Variants in SLIT2 observed in about 807,000 individuals in gnomAD.
SLIT2 encodes slit homolog 2 protein.
A neutral mutation model predicts 185.7 loss-of-function variants in SLIT2; 41 were observed. The observed-to-expected ratio is 0.22, with a 90% CI of 0.17 to 0.29. SLIT2 has a LOEUF of 0.29. Among genes scored for constraint, SLIT2 ranks in the 10% least tolerant of loss-of-function variants. SLIT2 has a pLI of 1.00. For synonymous variants in SLIT2, 693 were observed against 680.2 expected (o/e 1.02, Z -0.29); for missense variants, 1,571 against 1,909.0 (o/e 0.82, Z 3.30).
Position 20,619,116 on chromosome 4 carries a change from A to G in SLIT2, c.*107A>G. 1 of 1,147,926 alleles carries G rather than the reference A, an allele frequency of 8.7e-7. No homozygotes were observed. The highest frequency in any genetic ancestry group is 2.0e-5 in the South Asian group (1 of 50,730). 71.1% of individuals were successfully genotyped at this position (1,147,926 alleles called of 1,614,324 possible). On this transcript the variant is annotated 3_prime_UTR_variant, in exon 37 of 37. Coordinates refer to ENST00000504154, the MANE Select transcript of SLIT2 (RefSeq NM_004787.4). Reference sequence around the variant, plus strand: ...ATATTTGAAATATATTGTAAAATACAGAACAGACTTATTTTTATTATGAGA... The same window carrying G: ...ATATTTGAAATATATTGTAAAATACGGAACAGACTTATTTTTATTATGAGA...
At chr4:20,469,751 C>CTTTTTTTTTTTTTT (rs33912349) in intron 5 of SLIT2, among the ~76,000 whole-genome samples, 2 of 90,762 alleles carry the variant, frequency 2.2e-5, no homozygotes, top group Admixed American at 1.5e-4. Flanking sequence ...TTAGTTTTTA[C>CTTTTTTTTTTTTTT]TTTTTTTTTT....
chr4:20,549,598 A>AT (rs1190030892), intron 24 of SLIT2, among the ~76,000 whole-genome samples: 1 of 151,654 alleles, frequency 6.6e-6, no homozygotes, highest in East Asian at 1.9e-4. Flanking sequence ...TTTCAGATGC[A>AT]TTTTTTTCTA....
At chr4:20,501,485 T>G (rs1401763343) in intron 9 of SLIT2, among the ~76,000 whole-genome samples, 1 of 152,012 alleles carries the variant, frequency 6.6e-6, no homozygotes, top group Non-Finnish European at 1.5e-5. Context: ...GGTTTCACCT[T>G]GTTGCCTGGG....
At chr4:20,278,104 C>A (rs531148221) in intron 4 of SLIT2, among the ~76,000 whole-genome samples, 1 of 152,032 alleles carries the variant, frequency 6.6e-6, no homozygotes, top group Admixed American at 6.5e-5. Flanking sequence ...AAAAAATTTA[C>A]CAGTTTACAT....
At chr4:20,359,991 G>GC (rs762109231) in intron 4 of SLIT2, among the ~76,000 whole-genome samples, 3 of 152,092 alleles carry the variant, frequency 2.0e-5, no homozygotes, top group Non-Finnish European at 4.4e-5. Flanking sequence ...TATTCAGTGA[G>GC]CAGCACAGTG....
intron 4 of SLIT2, among the ~76,000 whole-genome samples, chr4:20,371,352 C>A (rs771935997): frequency 1.3e-5 from 2 of 152,068 alleles, no homozygotes; most frequent in Non-Finnish European, 2.9e-5. Flanking sequence ...CACACACACA[C>A]CCACTCACAT....
In SLIT2 at chr4:20,252,325, C is replaced by G. The variant is rs565076246; in HGVS notation, c.-1491C>G. Among the ~76,000 whole-genome samples the G allele has an allele frequency of 6.2e-4, 94 of 152,302 alleles. No individual in the cohort carries two copies. The highest frequency in any genetic ancestry group is 1.1e-3 in the Non-Finnish European group (72 of 68,028). ...GGAGTCGGCAGAGCCACCGAGTCCCCGCTCTGAGTCGTCGCCCTCCCTCTC... is the reference window on the plus strand; with the variant it reads ...GGAGTCGGCAGAGCCACCGAGTCCCGGCTCTGAGTCGTCGCCCTCCCTCTC... On this transcript the variant is annotated 5_prime_UTR_variant, in exon 1 of 37. Coordinates refer to ENST00000504154, the MANE Select transcript of SLIT2 (RefSeq NM_004787.4).
chr4:20,269,909 A>G (rs1205982820), intron 4 of SLIT2, among the ~76,000 whole-genome samples: 2 of 151,764 alleles, frequency 1.3e-5, no homozygotes, highest in Non-Finnish European at 2.9e-5. Context: ...AACCTTAACA[A>G]CCTTAACTTA....
chr4:20,427,797 T>G (rs1241992859), intron 4 of SLIT2, among the ~76,000 whole-genome samples: 1 of 152,172 alleles, frequency 6.6e-6, no homozygotes, highest in Non-Finnish European at 1.5e-5. Context: ...CTTCAGGTCT[T>G]TTTCCCCCAA....
intron 18 of SLIT2, among the ~76,000 whole-genome samples, chr4:20,537,616 T>G (rs1577881818): frequency 6.6e-6 from 1 of 152,302 alleles, no homozygotes; most frequent in East Asian, 1.9e-4. Flanking sequence ...TGCTTACATT[T>G]TAGCACCTGA....
At chr4:20,470,517 TG>T (rs1714871091) in intron 5 of SLIT2, among the ~76,000 whole-genome samples, 1 of 150,858 alleles carries the variant, frequency 6.6e-6, no homozygotes, top group Non-Finnish European at 1.5e-5. Flanking sequence ...TGTGTGTGTG[TG>T]TGTGTGTGTG....
rs183762270 is a variant in SLIT2, at chr4:20,548,594, A to C, written c.2417+35A>C. 4 of 1,273,186 alleles carry C rather than the reference A, an allele frequency of 3.1e-6. No homozygotes were observed. In the Admixed American group the frequency reaches 5.1e-5, roughly 16 times the overall value. 78.9% of individuals were successfully genotyped at this position (1,273,186 alleles called of 1,614,324 possible). A position where few individuals can be genotyped will look rare whatever the true frequency, so the allele number is the denominator to read the frequency against. ...AAAGTGTGGTACTGAGTATTCATTA[A>C]TTCAATGGACAAAAGGCAGTCTCTA... is the stretch of plus-strand genomic sequence containing the variant. On this transcript the variant is annotated intron_variant, in intron 23 of 36. Coordinates refer to ENST00000504154, the MANE Select transcript of SLIT2 (RefSeq NM_004787.4).
intron 3 of SLIT2, among the ~76,000 whole-genome samples, chr4:20,261,421 A>G (rs139168277): frequency 4.6e-5 from 7 of 151,960 alleles, no homozygotes; most frequent in African/African-American, 1.7e-4. Context: ...TATTAATTTG[A>G]GTTTTTTTTG....
chr4:20,593,287 G>A (rs1463194131), intron 30 of SLIT2, among the ~76,000 whole-genome samples: 3 of 152,186 alleles, frequency 2.0e-5, no homozygotes, highest in Non-Finnish European at 2.9e-5. Flanking sequence ...AATTATATAC[G>A]TGTTAAAGAT....
chr4:20,368,139 C>G (rs1723263008), intron 4 of SLIT2, among the ~76,000 whole-genome samples: 1 of 149,980 alleles, frequency 6.7e-6, no homozygotes, highest in African/African-American at 2.5e-5. Flanking sequence ...TTAATGGAAC[C>G]CTTTAGCTAA....
At position 20,488,890 on chromosome 4, in the gene SLIT2, C is replaced by A; in HGVS notation, c.683C>A (p.Pro228His). 6.2e-7 allele frequency: 1 copy of A among 1,612,916 alleles called. No individual in the cohort carries two copies. The highest frequency in any genetic ancestry group is 8.5e-7 in the Non-Finnish European group (1 of 1,179,038). ...AWLSDWLRQR[P>H]RVGLYTQCMG... ...CTCTCCGACTGGCTTCGCCAAAGGC[C>A]TCGGGTTGGTCTGTACACTCAGTGT... Residue 228 changes from proline (P) to histidine (H), a missense_variant, in exon 8 of 37, where the codon CCT becomes CAT. Physicochemically the swap from Pro to His is moderately conservative, Grantham distance 77 (BLOSUM62 -2). Around this residue, in one of 3 missense-constraint regions of SLIT2, gnomAD observed 1,202 missense variants for 1,416.4 expected, o/e 0.85. Coordinates refer to ENST00000504154, the MANE Select transcript of SLIT2 (RefSeq NM_004787.4).
At chr4:20,415,205 A>T (rs1236069485) in intron 4 of SLIT2, among the ~76,000 whole-genome samples, 16 of 152,082 alleles carry the variant, frequency 1.1e-4, no homozygotes, top group Admixed American at 1.0e-3. Flanking sequence ...AGGTCAGGAG[A>T]CAGAGACCAT....
At chr4:20,296,253 G>A (rs1560293036) in intron 4 of SLIT2, among the ~76,000 whole-genome samples, 1 of 152,130 alleles carries the variant, frequency 6.6e-6, no homozygotes, top group Non-Finnish European at 1.5e-5. Context: ...GTTGAAAAAT[G>A]AGGAGAGCAG....
At chr4:20,521,782 A>G (rs909272407) in intron 12 of SLIT2, among the ~76,000 whole-genome samples, 3 of 152,196 alleles carry the variant, frequency 2.0e-5, no homozygotes, top group Admixed American at 2.0e-4. Flanking sequence ...ATCACTTTGC[A>G]TGTTGCTGAT....
Sources: gnomAD v4.1 joint callset for allele counts (sites outside exome capture counted in the v4.1 genomes callset) on GRCh38, gnomAD v4.1.1 for gene constraint, gnomAD v4.1.1 regional missense constraint, MANE v1.5 for transcripts, NCBI Gene and HGNC (gene_info 2026-07-23, HGNC 2026-07-21) for gene names.